The following ERBB4 variants were observed in gnomAD, a reference collection of about 807,000 sequenced individuals.
The protein encoded by ERBB4 is erb-b2 receptor tyrosine kinase 4.
A neutral mutation model predicts 158.0 loss-of-function variants in ERBB4; 42 were observed. The ratio of observed to expected loss-of-function variants is 0.27; its 90% CI spans 0.21 to 0.34. ERBB4 has a LOEUF of 0.34. Ranked by LOEUF, ERBB4 falls within the 10% of genes least tolerant of loss-of-function variation. The pLI is 1.00. For missense variants in ERBB4, 1,333 were observed against 1,624.1 expected, an observed-to-expected ratio of 0.82 and a Z score of 3.08; for synonymous variants, 583 against 558.7, an observed-to-expected ratio of 1.04 and a Z score of -0.61.
intron 1 of ERBB4, among the ~76,000 whole-genome samples, chr2:212,468,197 G>A (rs1167716489): frequency 6.6e-6 from 1 of 152,132 alleles, no homozygotes; most frequent in Non-Finnish European, 1.5e-5. Flanking sequence ...GTGAACTTTT[G>A]AGTTAAGGCT....
At chr2:211,917,315 T>C (rs2079724048) in intron 3 of ERBB4, among the ~76,000 whole-genome samples, 1 of 128,358 alleles carries the variant, frequency 7.8e-6, no homozygotes, top group Admixed American at 7.8e-5. Context: ...TACAGAGATA[T>C]GGAAAAAAAA....
intron 1 of ERBB4, among the ~76,000 whole-genome samples, chr2:212,165,037 T>C (rs13036187): frequency 0.61 from 92,363 of 151,506 alleles, 29,297 homozygotes; most frequent in African/African-American, 0.68. Context: ...TTTAATTAAC[T>C]GTGGTTAGTC....
chr2:212,126,073 T>A (rs897555882), intron 1 of ERBB4, among the ~76,000 whole-genome samples: 1 of 152,200 alleles, frequency 6.6e-6, no homozygotes, highest in Non-Finnish European at 1.5e-5. Context: ...TATATATTCA[T>A]GAGTTTCTGA....
chr2:212,127,064 T>C (rs1559548796), intron 1 of ERBB4, among the ~76,000 whole-genome samples: 2 of 152,234 alleles, frequency 1.3e-5, no homozygotes, highest in African/African-American at 2.4e-5. Flanking sequence ...AGCTAAATTG[T>C]GTGTCCTAAA....
chr2:211,849,190 A>G (rs2077660867), intron 3 of ERBB4, among the ~76,000 whole-genome samples: 1 of 151,982 alleles, frequency 6.6e-6, no homozygotes, highest in Admixed American at 6.6e-5. Flanking sequence ...TTATGACTAG[A>G]TAGTTCTGCT....
intron 1 of ERBB4, among the ~76,000 whole-genome samples, chr2:212,192,282 A>G (rs925010955): frequency 1.7e-5 from 2 of 118,412 alleles, no homozygotes; most frequent in Admixed American, 2.1e-4. Flanking sequence ...AACTCAAGAC[A>G]GACTAGTTAT....
chr2:212,375,654 A>C (rs1187188778), intron 1 of ERBB4, among the ~76,000 whole-genome samples: 1 of 152,096 alleles, frequency 6.6e-6, no homozygotes, highest in Non-Finnish European at 1.5e-5. Context: ...AATGAATATT[A>C]TGAAAAAGCT....
intron 20 of ERBB4, among the ~76,000 whole-genome samples, chr2:211,447,589 A>G (rs540626026): frequency 2.6e-4 from 40 of 152,334 alleles, no homozygotes; most frequent in African/African-American, 9.1e-4. Flanking sequence ...GACACTGCTT[A>G]GAAATACATG....
At chr2:212,109,636 G>A (rs2079342175) in intron 2 of ERBB4, among the ~76,000 whole-genome samples, 2 of 152,208 alleles carry the variant, frequency 1.3e-5, no homozygotes, top group Admixed American at 1.3e-4. Context: ...TGTTGAATCT[G>A]TGCTGAGGAG....
intron 20 of ERBB4, among the ~76,000 whole-genome samples, chr2:211,529,559 G>A (rs2066439880): frequency 2.0e-5 from 3 of 152,062 alleles, no homozygotes; most frequent in African/African-American, 7.2e-5. Flanking sequence ...GAAAGCTACA[G>A]GCCAATATCG....
intron 20 of ERBB4, among the ~76,000 whole-genome samples, chr2:211,557,165 G>A (rs1368415005): frequency 6.6e-6 from 1 of 152,042 alleles, no homozygotes; most frequent in Non-Finnish European, 1.5e-5. Flanking sequence ...AAAAACCATG[G>A]AAGACAACGT....
At chr2:212,400,059 C>A (rs1366685283) in intron 1 of ERBB4, among the ~76,000 whole-genome samples, 5 of 151,956 alleles carry the variant, frequency 3.3e-5, no homozygotes, top group Non-Finnish European at 7.4e-5. Flanking sequence ...CATGAGAAAA[C>A]CTGGAAAAAG....
intron 1 of ERBB4, among the ~76,000 whole-genome samples, chr2:212,182,261 T>G (rs1267596722): frequency 6.6e-6 from 1 of 151,800 alleles, no homozygotes; most frequent in Non-Finnish European, 1.5e-5. Context: ...GCTAAATAAC[T>G]TGTCCCAGGT....
intron 3 of ERBB4, among the ~76,000 whole-genome samples, chr2:211,794,034 A>T (rs910342500): frequency 1.3e-5 from 2 of 151,938 alleles, no homozygotes; most frequent in Non-Finnish European, 2.9e-5. Flanking sequence ...AAGCTCATGG[A>T]TGCAGATACC....
Position 212,006,224 on chromosome 2 carries a change from A to G in ERBB4, c.235-58608T>C, listed in dbSNP as rs1390049978. On this transcript the variant is annotated intron_variant, in intron 2 of 27. Transcript: ENST00000342788. ...TTCTAATTATTCTTTGAGAAAAAAT[A>G]ACTTGCACATTTTGAAAATAAATAT... Among the ~76,000 whole-genome samples the G allele has an allele frequency of 4.6e-5, 7 of 152,152 alleles. No individual in the cohort carries two copies. The South Asian group carries it at 1.4e-3, about 31-fold the overall frequency.
intron 1 of ERBB4, among the ~76,000 whole-genome samples, chr2:212,435,327 T>G (rs2105955777): frequency 6.6e-6 from 1 of 152,096 alleles, no homozygotes; most frequent in East Asian, 1.9e-4. Context: ...ACGGAGTTGT[T>G]GTCACTCTCT....
chr2:211,922,966 T>C (rs1274063249), intron 3 of ERBB4, among the ~76,000 whole-genome samples: 3 of 152,126 alleles, frequency 2.0e-5, no homozygotes, highest in South Asian at 4.1e-4. Context: ...TGTATAACAA[T>C]AGATGAAGTG....
At chr2:212,299,596 T>C (rs903796620) in intron 1 of ERBB4, among the ~76,000 whole-genome samples, 1 of 151,574 alleles carries the variant, frequency 6.6e-6, no homozygotes, top group Non-Finnish European at 1.5e-5. Context: ...TGAATATCTA[T>C]ATATAATAAT....
intron 20 of ERBB4, among the ~76,000 whole-genome samples, chr2:211,462,370 G>T (rs2064559042): frequency 6.6e-6 from 1 of 152,108 alleles, no homozygotes; most frequent in South Asian, 2.1e-4. Context: ...CTGGGACAGA[G>T]ATCCAAACCA....
Sources: gnomAD v4.1 joint callset for allele counts (sites outside exome capture counted in the v4.1 genomes callset) on GRCh38, gnomAD v4.1.1 for gene constraint, MANE v1.5 for transcripts, NCBI Gene and HGNC (gene_info 2026-07-23, HGNC 2026-07-21) for gene names.